Variants in NWD2 observed in about 807,000 individuals in gnomAD.
NWD2 encodes the protein NACHT and WD repeat domain containing 2, also known as NACHT and WD repeat domain-containing protein 2.
Under a neutral mutation model 132.7 loss-of-function variants are expected in NWD2, and 37 were observed. The ratio of observed to expected loss-of-function variants is 0.28; its 90% CI spans 0.21 to 0.37. The LOEUF (loss-of-function observed/expected upper bound fraction) is 0.37, where lower values mean the gene tolerates loss of function less well. Ranked by LOEUF, NWD2 falls within the 10% of genes least tolerant of loss-of-function variation. The pLI, the probability that NWD2 is intolerant of heterozygous loss-of-function variation, is 1.00. For missense variants in NWD2, 1,592 were observed against 2,122.4 expected (o/e 0.75, Z 4.91); for synonymous variants, 705 against 803.0 (o/e 0.88, Z 2.06).
rs1450100809 is a variant in NWD2, at chr4:37,303,304, G to A, written c.152-22632G>A. Among the ~76,000 whole-genome samples the A allele has an allele frequency of 2.0e-5, 3 of 152,062 alleles. No homozygotes were observed. The South Asian group carries it at 6.2e-4, about 31-fold the overall frequency. ...TGGGAGCTGAAATTCTGTTACATCG[G>A]TGTATCTCTCTGTTTTTATACCAGT... On this transcript the variant is annotated intron_variant, in intron 1 of 6. Coordinates refer to ENST00000309447, the MANE Select transcript of NWD2 (RefSeq NM_001144990.2).
chr4:37,364,536 G>A (rs747789145), intron 3 of NWD2, among the ~76,000 whole-genome samples: 2 of 152,150 alleles, frequency 1.3e-5, no homozygotes, highest in African/African-American at 2.4e-5. Flanking sequence ...CAACACCCAT[G>A]TAGCATCCTC....
intron 5 of NWD2, among the ~76,000 whole-genome samples, chr4:37,438,562 C>T (rs915293208): frequency 6.6e-6 from 1 of 152,156 alleles, no homozygotes; most frequent in African/African-American, 2.4e-5. Flanking sequence ...ATGCTTATGT[C>T]CAACCTCTTC....
chr4:37,418,202 G>T (rs1711683971), intron 3 of NWD2, among the ~76,000 whole-genome samples: 1 of 152,010 alleles, frequency 6.6e-6, no homozygotes, highest in South Asian at 2.1e-4. Flanking sequence ...CAACGAAAGA[G>T]CTCCCAATGG....
At chr4:37,342,607 T>C (rs1719549862) in intron 2 of NWD2, among the ~76,000 whole-genome samples, 1 of 152,180 alleles carries the variant, frequency 6.6e-6, no homozygotes, top group Non-Finnish European at 1.5e-5. Flanking sequence ...ACTTCCATCT[T>C]GCCACTACTT....
At chr4:37,293,109 T>G (rs2109273080) in intron 1 of NWD2, among the ~76,000 whole-genome samples, 2 of 152,380 alleles carry the variant, frequency 1.3e-5, no homozygotes, top group African/African-American at 4.8e-5. Context: ...GTTACCACTT[T>G]CTTTTTCAAC....
chr4:37,298,058 T>C (rs148646210), intron 1 of NWD2, among the ~76,000 whole-genome samples: 10 of 152,208 alleles, frequency 6.6e-5, no homozygotes, highest in Admixed American at 5.2e-4. Context: ...AAGGAGGTAC[T>C]TATTGTTGGG....
intron 3 of NWD2, among the ~76,000 whole-genome samples, chr4:37,387,757 C>T (rs1018536995): frequency 2.0e-5 from 3 of 149,980 alleles, no homozygotes; most frequent in Non-Finnish European, 3.0e-5. Context: ...TCACTGCAAC[C>T]TCTGTCTTCC....
rs765006404 is a variant in NWD2, at chr4:37,445,199, G to A, written c.3211G>A (p.Ala1071Thr). The A allele has an allele frequency of 3.0e-5, 47 of 1,551,940 alleles. No individual in the cohort carries two copies. Among genetic ancestry groups the A allele is most frequent in the Middle Eastern group, 1.7e-4 (1 of 5,994 alleles). ...TGGATTTACACTGTCCGCCAACCAC[G>A]CCCTTGCATGGCTCGAAGCCAGCAA... ...INGFTLSANH[A>T]LAWLEASKDV... The change falls in exon 7 of 7, where the codon GCC becomes ACC. Residue 1071 changes from alanine (A) to threonine (T), a missense_variant. Ala to Thr is a moderately conservative substitution (Grantham distance 58). Coordinates refer to ENST00000309447, the MANE Select transcript of NWD2 (RefSeq NM_001144990.2). This position sits in a 1 kb window ranked among gnomAD's most constrained non-coding sequence, Gnocchi z 4.7.
chr4:37,405,936 T>C lies in NWD2; in HGVS notation c.358-24636T>C, dbSNP rs562270465. On this transcript the variant is annotated intron_variant, in intron 3 of 6. Coordinates refer to ENST00000309447, the MANE Select transcript of NWD2 (RefSeq NM_001144990.2). ...AGCCACCCAGGTAGACAGCAATTGA[T>C]TTAGAACCAGAACCCAGAATTGAAA... Among the ~76,000 whole-genome samples, 4 of 152,352 alleles carry C rather than the reference T, an allele frequency of 2.6e-5. 1 individual carries two copies. Among genetic ancestry groups the C allele is most frequent in the African/African-American group, 9.6e-5 (4 of 41,590 alleles).
Position 37,244,962 on chromosome 4 carries a change from G to T in NWD2, c.-106G>T, listed in dbSNP as rs1047659971. 4 of 1,447,770 alleles carry T rather than the reference G, an allele frequency of 2.8e-6. No homozygotes were observed. The Admixed American group carries it at 8.3e-5, about 30-fold the overall frequency. 89.7% of individuals were successfully genotyped at this position (1,447,770 alleles called of 1,614,324 possible). A position where few individuals can be genotyped will look rare whatever the true frequency, so the allele number is the denominator to read the frequency against. ...GCTCGGAGCGGCTCTGAGCCGCGCC[G>T]CCTGCTGAGATCGACCGCCTGCTGA... On this transcript the variant is annotated 5_prime_UTR_variant, in exon 1 of 7. Coordinates refer to ENST00000309447, the MANE Select transcript of NWD2 (RefSeq NM_001144990.2). This position sits in a 1 kb window ranked among gnomAD's most constrained non-coding sequence, Gnocchi z 5.5.
At chr4:37,395,635 T>TCTCAGATC (rs1720774308) in intron 3 of NWD2, among the ~76,000 whole-genome samples, 1 of 148,836 alleles carries the variant, frequency 6.7e-6, no homozygotes, top group Admixed American at 6.8e-5. Context: ...TGGTTCAATT[T>TCTCAGATC]CTCAGATCCA....
At chr4:37,389,118 T>G (rs1259090167) in intron 3 of NWD2, among the ~76,000 whole-genome samples, 1 of 152,114 alleles carries the variant, frequency 6.6e-6, no homozygotes, top group Non-Finnish European at 1.5e-5. Flanking sequence ...AAGGGAGGAA[T>G]GAAGCAAAGG....
chr4:37,271,879 A>G (rs1375652463), intron 1 of NWD2, among the ~76,000 whole-genome samples: 2 of 151,780 alleles, frequency 1.3e-5, no homozygotes, highest in Non-Finnish European at 3.0e-5. Context: ...AGGCAAGTCT[A>G]CTAGTAGCAA....
intron 1 of NWD2, among the ~76,000 whole-genome samples, chr4:37,318,501 A>G (rs1719003890): frequency 6.6e-6 from 1 of 152,144 alleles, no homozygotes; most frequent in Non-Finnish European, 1.5e-5. Flanking sequence ...GGTATATTTC[A>G]TGATGCTGAG....
chr4:37,354,875 CT>C (rs1475236220), intron 2 of NWD2, among the ~76,000 whole-genome samples: 1 of 152,138 alleles, frequency 6.6e-6, no homozygotes, highest in African/African-American at 2.4e-5. Flanking sequence ...GTTTTCTTTA[CT>C]TTTTCATTTT....
intron 1 of NWD2, among the ~76,000 whole-genome samples, chr4:37,277,989 T>C (rs963737212): frequency 1.3e-5 from 2 of 152,134 alleles, no homozygotes; most frequent in South Asian, 2.1e-4. Flanking sequence ...GAGACAAAGA[T>C]GTAAGTATTT....
chr4:37,322,757 G>T (rs1306082328), intron 1 of NWD2, among the ~76,000 whole-genome samples: 1 of 152,128 alleles, frequency 6.6e-6, no homozygotes, highest in Non-Finnish European at 1.5e-5. Flanking sequence ...GTAGCAGAAG[G>T]GACAGAAGTA....
At chr4:37,406,663 C>T (rs908856568) in intron 3 of NWD2, among the ~76,000 whole-genome samples, 2 of 152,010 alleles carry the variant, frequency 1.3e-5, no homozygotes, top group African/African-American at 2.4e-5. Flanking sequence ...TTTGGGAGGC[C>T]GAGGTGAGTG....
chr4:37,310,756 T>C (rs902890276), intron 1 of NWD2, among the ~76,000 whole-genome samples: 3 of 148,634 alleles, frequency 2.0e-5, no homozygotes, highest in African/African-American at 7.4e-5. Context: ...TAGCATTAGG[T>C]ATATCTCCTA....
Sources: gnomAD v4.1 joint callset for allele counts (sites outside exome capture counted in the v4.1 genomes callset) on GRCh38, gnomAD v4.1.1 for gene constraint, Gnocchi (gnomAD v3.1) non-coding constraint, MANE v1.5 for transcripts, NCBI Gene and HGNC (gene_info 2026-07-23, HGNC 2026-07-21) for gene names.